SGPP1: variants seen among roughly 807,000 people sequenced by gnomAD.
SGPP1 encodes sphingosine-1-phosphate phosphatase 1, also known as hSPP1.
Under a neutral mutation model 33.0 loss-of-function variants are expected in SGPP1, and 21 were observed. The observed-to-expected ratio is 0.64, with a 90% CI of 0.45 to 0.92. The LOEUF (loss-of-function observed/expected upper bound fraction) is 0.92, where lower values mean the gene tolerates loss of function less well. Among genes scored for constraint, SGPP1 ranks in the 40% least tolerant of loss-of-function variants. The pLI is 0.00. For missense variants in SGPP1, 543 were observed against 589.4 expected, an observed-to-expected ratio of 0.92 and a Z score of 0.81; for synonymous variants, 239 against 241.2, an observed-to-expected ratio of 0.99 and a Z score of 0.08.
At chr14:63,727,066 A>T (rs564745532) in intron 1 of SGPP1, among the ~76,000 whole-genome samples, 195 bp downstream of exon 1, 1 of 152,344 alleles carries the variant, frequency 6.6e-6, no homozygotes, top group African/African-American at 2.4e-5. Flanking sequence ...ATAGAATTCA[A>T]CGGCTAAGTA....
Position 63,727,543 on chromosome 14 carries a change from G to A in SGPP1, c.402C>T (p.Phe134=), listed in dbSNP as rs749679862. The A allele has an allele frequency of 3.1e-6, 5 of 1,613,612 alleles. No homozygotes were observed. The South Asian group carries it at 5.5e-5, about 18-fold the overall frequency. The change falls in exon 1 of 3, where the codon TTC becomes TTT. Residue 134 remains phenylalanine, a synonymous_variant. Coordinates refer to ENST00000247225, the MANE Select transcript of SGPP1 (RefSeq NM_030791.4). ...SNWPLYCLFC[F]GTELGNELFY... is the part of the protein sequence containing the mutation. ...AGAGTTCGTTGCCCAGCTCCGTGCCGAAGCAGAACAGGCAGTAGAGCGGCC... is the reference window on the plus strand; with the variant it reads ...AGAGTTCGTTGCCCAGCTCCGTGCCAAAGCAGAACAGGCAGTAGAGCGGCC...
Position 63,686,457 on chromosome 14 carries a change from C to T in SGPP1, c.974G>A (p.Ser325Asn). 6.2e-7 allele frequency: 1 copy of T among 1,614,120 alleles called. No homozygotes were observed. Among genetic ancestry groups the T allele is most frequent in the Non-Finnish European group, 8.5e-7 (1 of 1,180,020 alleles). The change falls in exon 3 of 3, where the codon AGT (serine) becomes AAT (asparagine). Residue 325 changes from serine to asparagine, a missense_variant. Coordinates refer to ENST00000247225, the MANE Select transcript of SGPP1 (RefSeq NM_030791.4). ...SRGDTAEILG[S>N]GAGIACGSHV... Reference sequence around the variant, plus strand: ...AGATCCACATGCAATTCCAGCACCACTTCCTAGTATCTCGGCTGTGTCTCC... The same window carrying T: ...AGATCCACATGCAATTCCAGCACCATTTCCTAGTATCTCGGCTGTGTCTCC...
At chr14:63,694,538 T>G (rs1885152448) in intron 2 of SGPP1, among the ~76,000 whole-genome samples, 1 of 152,164 alleles carries the variant, frequency 6.6e-6, no homozygotes, top group Admixed American at 6.5e-5. Context: ...TGCTTCCTTT[T>G]CTGTTTGAGT....
At chr14:63,720,139 A>AC (rs1003557366) in intron 1 of SGPP1, among the ~76,000 whole-genome samples, 1 of 151,358 alleles carries the variant, frequency 6.6e-6, no homozygotes, top group Non-Finnish European at 1.5e-5. Flanking sequence ...AAAAAAAAAA[A>AC]AAAACATGCT....
chr14:63,698,510 T>A (rs1184118120), intron 2 of SGPP1, 59 bp downstream of exon 2: 1 of 975,882 alleles, frequency 1.0e-6, no homozygotes. Context: ...TTAAAAATTA[T>A]AAAATTTCCT....
chr14:63,699,972 CT>C (rs1481946590), intron 1 of SGPP1, among the ~76,000 whole-genome samples: 1 of 151,336 alleles, frequency 6.6e-6, no homozygotes, highest in Admixed American at 6.6e-5. Context: ...TTACCTTTTC[CT>C]TTTTTTTGAG....
intron 1 of SGPP1, among the ~76,000 whole-genome samples, chr14:63,712,808 T>C (rs1243800042): frequency 1.4e-5 from 2 of 147,156 alleles, no homozygotes; most frequent in Non-Finnish European, 3.0e-5. Context: ...TCCCAGCTAC[T>C]TGGGAGGCTG....
intron 1 of SGPP1, among the ~76,000 whole-genome samples, chr14:63,708,270 T>TC (rs1885454742): frequency 6.7e-6 from 1 of 148,826 alleles, no homozygotes; most frequent in African/African-American, 2.5e-5. Context: ...TTTTTTTTTT[T>TC]TTTGAGATGG....
At chr14:63,709,231 G>A (rs559184579) in intron 1 of SGPP1, among the ~76,000 whole-genome samples, 1 of 152,020 alleles carries the variant, frequency 6.6e-6, no homozygotes, top group South Asian at 2.1e-4. Context: ...AAAATTAGCC[G>A]GGTGTGGTGG....
Position 63,686,476 on chromosome 14 carries a change from T to C in SGPP1, c.955A>G (p.Thr319Ala). ...LDTWSTSRGD[T>A]AEILGSGAGI... ...GCACCACTTCCTAGTATCTCGGCTG[T>C]GTCTCCTCGGGATGTGCTCCAGGTG... The change falls in exon 3 of 3, where the codon ACA becomes GCA. Residue 319 changes from threonine (T) to alanine (A), a missense_variant. Transcript: ENST00000247225. 1.2e-6 allele frequency: 2 copies of C among 1,614,144 alleles called. No homozygotes were observed. Among genetic ancestry groups the C allele is most frequent in the Non-Finnish European group, 1.7e-6 (2 of 1,180,014 alleles).
At chr14:63,704,327 C>G (rs901048995) in intron 1 of SGPP1, among the ~76,000 whole-genome samples, 1 of 152,086 alleles carries the variant, frequency 6.6e-6, no homozygotes, top group Admixed American at 6.6e-5. Flanking sequence ...ACATATAGAC[C>G]AGTGAAATAG....
Position 63,723,581 on chromosome 14 carries a change from T to A in SGPP1, c.684+3680A>T, listed in dbSNP as rs949970981. The stretch of plus-strand genomic sequence containing the variant: ...TAAAAATACAAACATTAGCCGGGGG[T>A]GGTGGTGTGCGCCTGTAGTCCCAGC... On this transcript the variant is annotated intron_variant, in intron 1 of 2. Coordinates refer to ENST00000247225, the MANE Select transcript of SGPP1 (RefSeq NM_030791.4). Among the ~76,000 whole-genome samples, 48 of 151,486 alleles carry A rather than the reference T, an allele frequency of 3.2e-4. 1 individual carries two copies. The highest frequency in any genetic ancestry group is 6.2e-4 in the Non-Finnish European group (42 of 67,904).
chr14:63,692,723 A>ATT (rs1249059832), intron 2 of SGPP1, among the ~76,000 whole-genome samples: 1 of 152,158 alleles, frequency 6.6e-6, no homozygotes, highest in African/African-American at 2.4e-5. Context: ...AAGTGTTGGA[A>ATT]TTATAGGCAT....
intron 1 of SGPP1, among the ~76,000 whole-genome samples, chr14:63,709,600 T>C (rs187566074): frequency 6.6e-6 from 1 of 152,298 alleles, no homozygotes; most frequent in Admixed American, 6.5e-5. Context: ...ATAGAGAATG[T>C]TGAGCTGTAT....
intron 1 of SGPP1, among the ~76,000 whole-genome samples, chr14:63,705,127 TA>T (rs35254189): frequency 1.4e-5 from 2 of 147,056 alleles, no homozygotes; most frequent in African/African-American, 5.0e-5. Context: ...ACTCTGTCTT[TA>T]AAAAAAAACA....
At chr14:63,723,890 T>C (rs1885825615) in intron 1 of SGPP1, among the ~76,000 whole-genome samples, 1 of 152,150 alleles carries the variant, frequency 6.6e-6, no homozygotes, top group Non-Finnish European at 1.5e-5. Flanking sequence ...GCTGTCTTTT[T>C]TTTTTGAGAT....
intron 1 of SGPP1, among the ~76,000 whole-genome samples, chr14:63,710,237 G>A (rs1885495534): frequency 6.6e-6 from 1 of 152,086 alleles, no homozygotes; most frequent in South Asian, 2.1e-4. Context: ...AGCTCTAAAT[G>A]TTCATATATA....
intron 1 of SGPP1, among the ~76,000 whole-genome samples, chr14:63,719,495 C>CT (rs566541703): frequency 3.2e-4 from 49 of 151,914 alleles, no homozygotes; most frequent in African/African-American, 1.2e-3. Context: ...TGCCTATATT[C>CT]TTTGACATAG....
At chr14:63,717,873 G>GA (rs1400827167) in intron 1 of SGPP1, among the ~76,000 whole-genome samples, 2 of 152,110 alleles carry the variant, frequency 1.3e-5, no homozygotes, top group African/African-American at 4.8e-5. Context: ...AAGTACTGGG[G>GA]ATCACAAATA....
Sources: allele counts gnomAD v4.1 joint callset (sites outside exome capture counted in the v4.1 genomes callset), GRCh38; gene constraint gnomAD v4.1.1; transcripts MANE v1.5; gene names NCBI Gene and HGNC (gene_info 2026-07-23, HGNC 2026-07-21).